STK33: variants seen among roughly 807,000 people sequenced by gnomAD.
The protein encoded by STK33 is serine/threonine kinase 33, also known as serine/threonine-protein kinase 33.
STK33 carries 52 observed loss-of-function variants against 58.0 expected under a neutral mutation model. That is an observed-to-expected ratio of 0.90 (90% CI 0.72 to 1.13). The LOEUF is 1.13. Ranked by LOEUF, STK33 falls within the 50% of genes most tolerant of loss-of-function variation. STK33 has a pLI of 0.00. For synonymous variants in STK33, 215 were observed against 200.1 expected, an observed-to-expected ratio of 1.07 and a Z score of -0.63; for missense variants, 630 against 604.2, an observed-to-expected ratio of 1.04 and a Z score of -0.45.
chr11:8,514,529 G>A (rs1038514792), intron 1 of STK33, among the ~76,000 whole-genome samples: 9 of 152,120 alleles, frequency 5.9e-5, no homozygotes, highest in South Asian at 4.1e-4. Flanking sequence ...GGGATCATGC[G>A]GATAAGAAAT....
At chr11:8,530,160 GT>G (rs1259496753) in intron 1 of STK33, among the ~76,000 whole-genome samples, 1 of 152,106 alleles carries the variant, frequency 6.6e-6, no homozygotes. Context: ...AGAATGTGTA[GT>G]ATCAGTGCAA....
At chr11:8,389,020 A>ATGCAGCACTGATAAGGAAAGGGTC (rs530178995), downstream of STK33, among the ~76,000 whole-genome samples, 7,338 of 152,240 alleles carry the variant, frequency 0.048, 243 homozygotes, top group Non-Finnish European at 0.064. Flanking sequence ...GTCAGGAACA[A>ATGCAGCACTGATAAGGAAAGGGTC]TGCAGCACTG....
intron 15 of STK33, among the ~76,000 whole-genome samples, chr11:8,399,377 T>C (rs916779247): frequency 1.3e-4 from 20 of 151,816 alleles, no homozygotes; most frequent in African/African-American, 4.6e-4. Context: ...ACTGGGTACA[T>C]AACGAAATGA....
chr11:8,560,952 G>A (rs143304202), intron 1 of STK33, among the ~76,000 whole-genome samples: 115 of 152,208 alleles, frequency 7.6e-4, no homozygotes, highest in Non-Finnish European at 1.4e-3. Context: ...CTCTCTCCAC[G>A]AAGATAAATG....
chr11:8,546,089 T>A (rs971589894), intron 1 of STK33, among the ~76,000 whole-genome samples: 1 of 152,208 alleles, frequency 6.6e-6, no homozygotes, highest in South Asian at 2.1e-4. Context: ...AAATATTTTT[T>A]AAATGATACA....
intron 11 of STK33, among the ~76,000 whole-genome samples, chr11:8,446,895 G>C (rs1413379914): frequency 6.6e-6 from 1 of 152,118 alleles, no homozygotes; most frequent in Non-Finnish European, 1.5e-5. Context: ...TACCATTCAG[G>C]ATATAGGCAT....
chr11:8,392,485 G>A lies in STK33; in HGVS notation c.*25C>T. 1.9e-6 allele frequency: 3 copies of A among 1,613,060 alleles called. No homozygotes were observed. Among genetic ancestry groups the A allele is most frequent in the South Asian group, 1.1e-5 (1 of 90,936 alleles). On this transcript the variant is annotated 3_prime_UTR_variant, in exon 16 of 16. Transcript: ENST00000687296. ...TGCTAACAAGAGCAGCTTTGTTTTT[G>A]TACTGTCCAACACTGGAGGGAACCT...
At chr11:8,456,493 A>G (rs78366478) in intron 9 of STK33, among the ~76,000 whole-genome samples, 3,967 of 152,300 alleles carry the variant, frequency 0.026, 115 homozygotes, top group South Asian at 0.087. Context: ...ACCAATCTCA[A>G]TGCAGTAGGT....
chr11:8,415,572 T>C (rs1169491028), intron 14 of STK33, among the ~76,000 whole-genome samples: 1 of 152,052 alleles, frequency 6.6e-6, no homozygotes, highest in African/African-American at 2.4e-5. Flanking sequence ...CCTCCTCCTC[T>C]CCTCCCAGCC....
intron 1 of STK33, among the ~76,000 whole-genome samples, chr11:8,571,626 G>A (rs550511580): frequency 6.6e-6 from 1 of 152,246 alleles, no homozygotes; most frequent in African/African-American, 2.4e-5. Context: ...GAGGTCAGGA[G>A]ATCGAGACCA....
intron 1 of STK33, among the ~76,000 whole-genome samples, chr11:8,544,706 C>G (rs11825735): frequency 0.015 from 2,231 of 151,910 alleles, 50 homozygotes; most frequent in African/African-American, 0.05. Context: ...AAGAACCTAC[C>G]ATTTATGCAT....
At chr11:8,544,165 C>T (rs985052409) in intron 1 of STK33, among the ~76,000 whole-genome samples, 2 of 151,764 alleles carry the variant, frequency 1.3e-5, no homozygotes, top group African/African-American at 4.8e-5. Flanking sequence ...CCCATAGCCC[C>T]CCATCCCCCG....
chr11:8,485,060 ATT>A (rs1950106028), intron 1 of STK33, among the ~76,000 whole-genome samples: 1 of 152,188 alleles, frequency 6.6e-6, no homozygotes, highest in African/African-American at 2.4e-5. Flanking sequence ...AAAAAATAAT[ATT>A]GTTTTCCTTT....
At chr11:8,353,393 G>A in the STK33 span, among the ~76,000 whole-genome samples, 1 of 152,190 alleles carries the variant, frequency 6.6e-6, no homozygotes, top group Non-Finnish European at 1.5e-5. Context: ...ACCCGGTTTT[G>A]TCTCTCTTGA....
chr11:8,454,818 C>A lies in STK33; in HGVS notation c.712G>T (p.Asp238Tyr). 6.4e-7 allele frequency: 1 copy of A among 1,560,936 alleles called. No homozygotes were observed. Among genetic ancestry groups the A allele is most frequent in the Non-Finnish European group, 8.7e-7 (1 of 1,149,344 alleles). ...ACCATTATATTTTCCAGTTTCAGAT[C>A]TCTATGTACAATATCTACCAAGAAA... ...YLHNNDIVHR[D>Y]LKLENIMVKS... is the part of the protein sequence containing the mutation. The change falls in exon 10 of 16, where the codon GAT (aspartate) becomes TAT (tyrosine). Residue 238 changes from aspartate to tyrosine, a missense_variant. By Grantham distance (160) the Asp-to-Tyr change is radical. Coordinates refer to ENST00000687296, the MANE Select transcript of STK33 (RefSeq NM_001352389.2).
chr11:8,553,201 G>GTATATATATATATATATATATGGTGTA, intron 1 of STK33, among the ~76,000 whole-genome samples: 2 of 61,126 alleles, frequency 3.3e-5, no homozygotes, highest in East Asian at 9.6e-4. Flanking sequence ...TATATATGGT[G>GTATATATATATATATATATATGGTGTA]TATATATATA....
the STK33 span, among the ~76,000 whole-genome samples, chr11:8,371,357 C>T: frequency 2.0e-5 from 3 of 152,104 alleles, no homozygotes; most frequent in African/African-American, 4.8e-5. Flanking sequence ...TGCCACGAGC[C>T]GAGGAATGCC....
chr11:8,549,893 G>A (rs1332524042), intron 1 of STK33, among the ~76,000 whole-genome samples: 1 of 151,628 alleles, frequency 6.6e-6, no homozygotes, highest in African/African-American at 2.4e-5. Flanking sequence ...AAGGTTTGTT[G>A]ATTTTCATAT....
At chr11:8,396,261 A>C (rs1360262426) in intron 15 of STK33, among the ~76,000 whole-genome samples, 2 of 151,900 alleles carry the variant, frequency 1.3e-5, no homozygotes, top group Non-Finnish European at 2.9e-5. Context: ...ACACCACCAC[A>C]CCCAGCTAAT....
Sources: allele counts gnomAD v4.1 joint callset (sites outside exome capture counted in the v4.1 genomes callset), GRCh38; gene constraint gnomAD v4.1.1; transcripts MANE v1.5; gene names NCBI Gene and HGNC (gene_info 2026-07-23, HGNC 2026-07-21).